SNX29: variants seen among roughly 807,000 people sequenced by gnomAD.
The protein encoded by SNX29 is sorting nexin 29, also known as sorting nexin-29.
In SNX29, 78 loss-of-function variants were observed where a neutral mutation model predicts 102.1. That is an observed-to-expected ratio of 0.76 (90% CI 0.64 to 0.92). The LOEUF is 0.92. Among genes scored for constraint, SNX29 ranks in the 40% least tolerant of loss-of-function variants. The pLI is 0.00. For synonymous variants in SNX29, 580 were observed against 414.5 expected (o/e 1.40, Z -4.85); for missense variants, 1,280 against 1,061.7 (o/e 1.21, Z -2.86).
chr16:12,236,101 T>A lies in SNX29; in HGVS notation c.1678+36418T>A, dbSNP rs2077924209. 2.6e-5 allele frequency among the ~76,000 whole-genome samples: 4 copies of A among 152,170 alleles called. No homozygotes were observed. In the South Asian group the frequency reaches 8.3e-4, roughly 32 times the overall value. On this transcript the variant is annotated intron_variant, in intron 14 of 20. Coordinates refer to ENST00000566228, the MANE Select transcript of SNX29 (RefSeq NM_032167.5). ...GATAGCCCAGAACTGCTTTACGTAC[T>A]TATTTCCCAATACTATGGGCTTTGA...
intron 19 of SNX29, among the ~76,000 whole-genome samples, chr16:12,511,617 A>G (rs770400035): frequency 3.9e-5 from 6 of 152,204 alleles, no homozygotes; most frequent in African/African-American, 1.4e-4. Flanking sequence ...ATTTAGGCAC[A>G]TCGTCATTGT....
chr16:12,271,233 C>T (rs1437428960), intron 14 of SNX29, among the ~76,000 whole-genome samples: 1 of 152,242 alleles, frequency 6.6e-6, no homozygotes, highest in Non-Finnish European at 1.5e-5. Flanking sequence ...TCAGGGTCTC[C>T]CCTAAGGCTC....
At chr16:12,238,428 C>A (rs764120617) in intron 14 of SNX29, among the ~76,000 whole-genome samples, 2 of 151,994 alleles carry the variant, frequency 1.3e-5, no homozygotes, top group South Asian at 2.1e-4. Context: ...CGAGTTCAAG[C>A]GATTCTCCCG....
chr16:12,256,230 G>C (rs1003071280), intron 14 of SNX29, among the ~76,000 whole-genome samples: 5 of 152,136 alleles, frequency 3.3e-5, no homozygotes, highest in African/African-American at 1.2e-4. Flanking sequence ...ATATTTTCCT[G>C]CTATTGAGTT....
At chr16:12,206,856 G>A (rs902361864) in intron 14 of SNX29, among the ~76,000 whole-genome samples, 1 of 134,558 alleles carries the variant, frequency 7.4e-6, no homozygotes, top group African/African-American at 2.6e-5. Flanking sequence ...AATGATTCCA[G>A]TGTGCAGGTT....
chr16:12,563,330 C>G (rs143030087), intron 20 of SNX29, among the ~76,000 whole-genome samples: 2 of 152,110 alleles, frequency 1.3e-5, no homozygotes, highest in African/African-American at 4.8e-5. Flanking sequence ...GAGTCACCGT[C>G]GAGGAGTGGC....
intron 1 of SNX29, among the ~76,000 whole-genome samples, chr16:11,990,060 C>G (rs966884040): frequency 2.0e-5 from 3 of 152,208 alleles, no homozygotes; most frequent in Admixed American, 1.3e-4. Flanking sequence ...ATCAATGTCT[C>G]CAAGTCTCAG....
At chr16:12,001,277 A>G (rs1297023088) in intron 2 of SNX29, among the ~76,000 whole-genome samples, 2 of 151,976 alleles carry the variant, frequency 1.3e-5, no homozygotes, top group African/African-American at 4.8e-5. Context: ...ACACCCGGCT[A>G]ATTTTTGTAT....
At chr16:12,550,140 C>A (rs1278213188) in intron 20 of SNX29, among the ~76,000 whole-genome samples, 1 of 152,186 alleles carries the variant, frequency 6.6e-6, no homozygotes, top group Non-Finnish European at 1.5e-5. Context: ...AAAGGGAATA[C>A]CTTCCATACC....
In SNX29 at chr16:12,573,511, C is replaced by T. The variant is rs1387395115; in HGVS notation, c.*4882C>T. On this transcript the variant is annotated 3_prime_UTR_variant, in exon 21 of 21. Coordinates refer to ENST00000566228, the MANE Select transcript of SNX29 (RefSeq NM_032167.5). ...TAGATTCACTGGTGGTTTAAGAGGCCCAGGGATTTAGTTCTTACTGGTGCG... is the reference window on the plus strand; with the variant it reads ...TAGATTCACTGGTGGTTTAAGAGGCTCAGGGATTTAGTTCTTACTGGTGCG... The T allele has an allele frequency of 8.9e-6, 2 of 224,072 alleles. No individual in the cohort carries two copies. Among genetic ancestry groups the T allele is most frequent in the South Asian group, 1.8e-4 (1 of 5,440 alleles). 13.9% of individuals were successfully genotyped at this position (224,072 alleles called of 1,614,324 possible).
chr16:12,256,732 C>G (rs889861322), intron 14 of SNX29, among the ~76,000 whole-genome samples: 1 of 152,132 alleles, frequency 6.6e-6, no homozygotes, highest in Non-Finnish European at 1.5e-5. Flanking sequence ...AAATGGGGAA[C>G]AAGACAGAGT....
intron 13 of SNX29, among the ~76,000 whole-genome samples, chr16:12,197,825 G>C (rs1401244410): frequency 2.0e-5 from 3 of 151,976 alleles, no homozygotes; most frequent in East Asian, 3.9e-4. Flanking sequence ...GGTGATGCCT[G>C]AGTCTATGGT....
intron 16 of SNX29, among the ~76,000 whole-genome samples, chr16:12,383,150 A>G (rs1271145324): frequency 6.6e-6 from 1 of 152,186 alleles, no homozygotes; most frequent in African/African-American, 2.4e-5. Flanking sequence ...CTCTTTGGCC[A>G]TCGCTGTCAC....
At chr16:12,239,575 C>T (rs2078037024) in intron 14 of SNX29, among the ~76,000 whole-genome samples, 1 of 141,548 alleles carries the variant, frequency 7.1e-6, no homozygotes, top group Non-Finnish European at 1.5e-5. Flanking sequence ...CTCCTGTAAT[C>T]CCAGCGCTTT....
At chr16:12,073,486 G>GT (rs2051397950) in intron 10 of SNX29, among the ~76,000 whole-genome samples, 1 of 152,186 alleles carries the variant, frequency 6.6e-6, no homozygotes, top group Admixed American at 6.5e-5. Context: ...GCGGTTTTGA[G>GT]TGAGTTTCTT....
chr16:12,113,965 T>C (rs1475131373), intron 11 of SNX29, among the ~76,000 whole-genome samples: 2 of 152,226 alleles, frequency 1.3e-5, no homozygotes, highest in Non-Finnish European at 2.9e-5. Flanking sequence ...AGATGTAACA[T>C]CTGAGACCCA....
chr16:12,390,948 CTTTA>C (rs927075838), intron 16 of SNX29, among the ~76,000 whole-genome samples: 1 of 151,776 alleles, frequency 6.6e-6, no homozygotes, highest in Non-Finnish European at 1.5e-5. Context: ...AACAAATTGT[CTTTA>C]TTTATTGTTT....
chr16:12,280,813 A>G (rs2079406726), intron 15 of SNX29, among the ~76,000 whole-genome samples: 1 of 152,206 alleles, frequency 6.6e-6, no homozygotes, highest in Non-Finnish European at 1.5e-5. Context: ...AAATAGTTGT[A>G]AAGACTTGTT....
At chr16:12,047,921 T>C (rs1346537984) in intron 6 of SNX29, among the ~76,000 whole-genome samples, 1 of 152,046 alleles carries the variant, frequency 6.6e-6, no homozygotes, top group Non-Finnish European at 1.5e-5. Context: ...CCTTCCAAAG[T>C]GCCGGGATTA....
Sources: allele counts gnomAD v4.1 joint callset (sites outside exome capture counted in the v4.1 genomes callset), GRCh38; gene constraint gnomAD v4.1.1; transcripts MANE v1.5; gene names NCBI Gene and HGNC (gene_info 2026-07-23, HGNC 2026-07-21).